CDK14: variants seen among roughly 807,000 people sequenced by gnomAD.
The protein encoded by CDK14 is cyclin dependent kinase 14.
In CDK14, 34 loss-of-function variants were observed where a neutral mutation model predicts 60.7. The ratio of observed to expected loss-of-function variants is 0.56; its 90% CI spans 0.43 to 0.75. CDK14 has a LOEUF of 0.75. Ranked by LOEUF, CDK14 falls within the 30% of genes least tolerant of loss-of-function variation. CDK14 has a pLI of 0.00. For missense variants in CDK14, 482 were observed against 564.1 expected (o/e 0.85, Z 1.47); for synonymous variants, 197 against 203.7 (o/e 0.97, Z 0.28).
intron 8 of CDK14, among the ~76,000 whole-genome samples, chr7:90,921,511 G>A (rs1284637397): frequency 6.6e-6 from 1 of 151,936 alleles, no homozygotes; most frequent in Non-Finnish European, 1.5e-5. Context: ...GTGAAGGCGG[G>A]AACTTGACCT....
intron 14 of CDK14, among the ~76,000 whole-genome samples, chr7:91,149,674 C>T (rs769642502): frequency 6.6e-6 from 1 of 152,186 alleles, no homozygotes; most frequent in African/African-American, 2.4e-5. Flanking sequence ...AAGTTCAAAG[C>T]ATGATGATGA....
chr7:91,134,428 GC>G (rs1800209993), intron 14 of CDK14, among the ~76,000 whole-genome samples: 1 of 151,522 alleles, frequency 6.6e-6, no homozygotes, highest in Non-Finnish European at 1.5e-5. Context: ...TGAACTATTT[GC>G]AAAAGGTCAG....
chr7:91,053,079 C>CT (rs937917298), intron 11 of CDK14, among the ~76,000 whole-genome samples: 2 of 152,022 alleles, frequency 1.3e-5, no homozygotes, highest in Non-Finnish European at 2.9e-5. Flanking sequence ...CAGGTCCACA[C>CT]TTTTTTGTTC....
intron 10 of CDK14, among the ~76,000 whole-genome samples, chr7:91,002,361 A>C (rs1300147960): frequency 2.6e-5 from 4 of 152,186 alleles, no homozygotes; most frequent in Non-Finnish European, 4.4e-5. Context: ...TATATTTAAA[A>C]ATTAATGTCA....
intron 2 of CDK14, among the ~76,000 whole-genome samples, chr7:90,656,433 G>A (rs1279604860): frequency 6.8e-6 from 1 of 147,848 alleles, no homozygotes; most frequent in African/African-American, 2.5e-5. Context: ...AGGCTGGAGT[G>A]CAGTGGAGCA....
At chr7:90,623,753 A>G (rs771040846) in intron 2 of CDK14, among the ~76,000 whole-genome samples, 8 of 152,128 alleles carry the variant, frequency 5.3e-5, no homozygotes, top group Admixed American at 1.3e-4. Context: ...AGTGGTGATA[A>G]TGCCTTCCTG....
chr7:90,832,628 G>GA (rs1331473365), intron 5 of CDK14, among the ~76,000 whole-genome samples: 2 of 152,032 alleles, frequency 1.3e-5, no homozygotes, highest in African/African-American at 4.8e-5. Flanking sequence ...AATCAGCATG[G>GA]AAAAAATGAA....
Position 90,726,269 on chromosome 7 carries a change from A to G in CDK14, c.124-298A>G, listed in dbSNP as rs190475623. 3.6e-3 allele frequency: 3,558 copies of G among 980,028 alleles called. 4 individuals carry two copies. Among genetic ancestry groups the G allele is most frequent in the Non-Finnish European group, 4.0e-3 (3,303 of 825,046 alleles). 60.7% of individuals were successfully genotyped at this position (980,028 alleles called of 1,614,324 possible). A position where few individuals can be genotyped will look rare whatever the true frequency, so the allele number is the denominator to read the frequency against. On this transcript the variant is annotated intron_variant, in intron 2 of 14. Transcript: ENST00000380050. ...ATAAACCACTTCCAGTCAGATGGTA[A>G]AACGTGTGACAGAGTTCAAGAATCA... is the stretch of plus-strand genomic sequence containing the variant.
intron 5 of CDK14, among the ~76,000 whole-genome samples, chr7:90,852,097 A>G (rs1293165634): frequency 6.6e-6 from 1 of 152,058 alleles, no homozygotes; most frequent in Admixed American, 6.6e-5. Flanking sequence ...GAGTCTTGCT[A>G]TGTTTCCGAG....
chr7:90,995,021 G>T (rs1040310063), intron 10 of CDK14, among the ~76,000 whole-genome samples: 5 of 152,128 alleles, frequency 3.3e-5, no homozygotes, highest in African/African-American at 4.8e-5. Flanking sequence ...ATCTAAGATG[G>T]CTCCTAGTGT....
intron 7 of CDK14, among the ~76,000 whole-genome samples, chr7:90,911,929 T>G (rs1792915631): frequency 6.6e-6 from 1 of 152,168 alleles, no homozygotes; most frequent in Non-Finnish European, 1.5e-5. Context: ...GCCATGGCAC[T>G]GAGAATATGC....
Position 90,699,497 on chromosome 7 carries a change from G to A in CDK14, c.124-27070G>A, listed in dbSNP as rs142460989. Among the ~76,000 whole-genome samples the A allele has an allele frequency of 3.5e-3, 535 of 152,288 alleles. 4 individuals are homozygous for A. Among genetic ancestry groups the A allele is most frequent in the Middle Eastern group, 0.02 (6 of 294 alleles). ...GTACCTTGCCCAAGGCTTGGATCAGGAACACAGATTTGTCTGATCCTTGAG... is the reference window on the plus strand; with the variant it reads ...GTACCTTGCCCAAGGCTTGGATCAGAAACACAGATTTGTCTGATCCTTGAG... On this transcript the variant is annotated intron_variant, in intron 2 of 14. Transcript: ENST00000380050.
chr7:91,022,605 C>G (rs942954943), intron 10 of CDK14, among the ~76,000 whole-genome samples: 1 of 152,174 alleles, frequency 6.6e-6, no homozygotes, highest in Non-Finnish European at 1.5e-5. Flanking sequence ...AATGTTCTCC[C>G]TTTTAAAGGC....
At chr7:91,125,181 CCTT>C (rs766270073) in intron 14 of CDK14, among the ~76,000 whole-genome samples, 3 of 152,092 alleles carry the variant, frequency 2.0e-5, no homozygotes, top group African/African-American at 4.8e-5. Flanking sequence ...ACTCGTCACT[CCTT>C]CTGCGATATT....
chr7:90,684,715 G>T (rs1007540590), intron 2 of CDK14, among the ~76,000 whole-genome samples: 2 of 152,100 alleles, frequency 1.3e-5, no homozygotes, highest in East Asian at 1.9e-4. Flanking sequence ...GCATATCAAA[G>T]AATTTGGGTA....
At chr7:90,879,607 G>T (rs1791675383) in intron 6 of CDK14, among the ~76,000 whole-genome samples, 1 of 152,024 alleles carries the variant, frequency 6.6e-6, no homozygotes, top group Admixed American at 6.5e-5. Context: ...GTAGATGTGT[G>T]GTGTTATTTC....
chr7:90,624,826 T>C (rs1300696915), intron 2 of CDK14, among the ~76,000 whole-genome samples: 1 of 152,156 alleles, frequency 6.6e-6, no homozygotes, highest in African/African-American at 2.4e-5. Context: ...TCATATATTA[T>C]AGGGCGATAA....
chr7:90,978,069 A>C (rs972953408), intron 9 of CDK14, among the ~76,000 whole-genome samples: 3 of 152,174 alleles, frequency 2.0e-5, no homozygotes, highest in Admixed American at 2.0e-4. Flanking sequence ...AGCTATTTGC[A>C]CTGACCTCTG....
intron 3 of CDK14, among the ~76,000 whole-genome samples, chr7:90,742,359 A>G (rs1009909593): frequency 6.6e-6 from 1 of 152,054 alleles, no homozygotes; most frequent in Non-Finnish European, 1.5e-5. Context: ...ATATTTTGGT[A>G]TAAAGCTGTT....
Sources: allele counts gnomAD v4.1 joint callset (sites outside exome capture counted in the v4.1 genomes callset), GRCh38; gene constraint gnomAD v4.1.1; transcripts MANE v1.5; gene names NCBI Gene and HGNC (gene_info 2026-07-23, HGNC 2026-07-21).